Variants in ACKR2 observed in about 807,000 individuals in gnomAD.
The protein encoded by ACKR2 is C-C chemokine receptor D6.
For missense variants in ACKR2, 457 were observed against 477.3 expected (o/e 0.96, Z 0.40); for synonymous variants, 207 against 192.2 (o/e 1.08, Z -0.64).
In ACKR2 at chr3:42,840,999, A is replaced by G. The variant is rs140641801; in HGVS notation, c.-38+21288A>G. On this transcript the variant is annotated intron_variant, in intron 2 of 2. Coordinates refer to ENST00000422265, the MANE Select transcript of ACKR2 (RefSeq NM_001296.5). ...GTCAAGGAGCCTGGCCAAGTGTCTT[A>G]ACCTTTTTTGTGCCATGGCCCCCAC... Among the ~76,000 whole-genome samples the G allele has an allele frequency of 3.3e-5, 5 of 152,268 alleles. No homozygotes were observed. In the East Asian group the frequency reaches 9.7e-4, roughly 29 times the overall value.
chr3:42,862,988 A>C (rs969927405), intron 2 of ACKR2, among the ~76,000 whole-genome samples: 1 of 152,222 alleles, frequency 6.6e-6, no homozygotes, highest in Admixed American at 6.5e-5. Context: ...CAATGGCAAC[A>C]AAAGCCAAAA....
chr3:42,864,524 C>T lies in ACKR2; in HGVS notation c.22C>T (p.Gln8Ter), dbSNP rs550370044. The part of the protein sequence containing the change: MAATASP[Q>*]PLATEDADSE... ...CAACATGGCCGCCACTGCCTCTCCG[C>T]AGCCACTCGCCACTGAGGATGCCGA... The change falls in exon 3 of 3, where the codon CAG (glutamine) becomes TAG (stop). Residue 8 changes from glutamine to a stop codon, truncating the protein, a stop_gained. Transcript: ENST00000422265. LOFTEE classifies it low-confidence loss of function (END_TRUNC). 6.2e-7 allele frequency: 1 copy of T among 1,605,628 alleles called. No homozygotes were observed. Among genetic ancestry groups the T allele is most frequent in the Non-Finnish European group, 8.5e-7 (1 of 1,174,498 alleles).
intron 2 of ACKR2, among the ~76,000 whole-genome samples, chr3:42,845,642 G>A (rs543934904): frequency 5.1e-4 from 77 of 152,156 alleles, no homozygotes; most frequent in Non-Finnish European, 1.0e-3. Context: ...TTTAAAAAAC[G>A]TAATAGTGCC....
rs376833790 is a variant in ACKR2 at position 42,860,189 on chromosome 3, A to AAAAC, written c.-37-4277_-37-4276insAAAC. 1.3e-3 allele frequency among the ~76,000 whole-genome samples: 143 copies of AAAAC among 111,612 alleles called. 6 individuals carry two copies. The highest frequency in any genetic ancestry group is 4.7e-3 in the Middle Eastern group (1 of 212). 73.2% of individuals were successfully genotyped at this position (111,612 alleles called of 152,430 possible). On this transcript the variant is annotated intron_variant, in intron 2 of 2. Transcript: ENST00000422265. ...CAAAAAAAAAAAAAAAAAAAAAAAA[A>AAAAC]GCAGGGGATGCAATCCTAGTCTCTG...
chr3:42,856,156 A>G, intron 2 of ACKR2: 2 of 500,050 alleles, frequency 4.0e-6, no homozygotes, highest in Non-Finnish European at 7.0e-6. Context: ...GAGGACAGGA[A>G]GACCAGCAGA....
chr3:42,852,607 G>A lies in ACKR2; in HGVS notation c.-37-11859G>A, dbSNP rs1394297980. 1.3e-5 allele frequency among the ~76,000 whole-genome samples: 2 copies of A among 152,160 alleles called. No homozygotes were observed. Among genetic ancestry groups the A allele is most frequent in the Admixed American group, 1.3e-4 (2 of 15,278 alleles). On this transcript the variant is annotated intron_variant, in intron 2 of 2. Transcript: ENST00000422265. This position sits in a 1 kb window ranked among gnomAD's most constrained non-coding sequence, Gnocchi z 4.3. ...AGACAGCTATGTCTAGCTGGAAGCT[G>A]CAAGGGGACTCCTGCCCTGCTGAGG...
chr3:42,818,913 C>T (rs1700781468), intron 1 of ACKR2, among the ~76,000 whole-genome samples: 1 of 152,018 alleles, frequency 6.6e-6, no homozygotes, highest in Non-Finnish European at 1.5e-5. Flanking sequence ...GTCAGGTTGT[C>T]ACTAAAAAAT....
intron 1 of ACKR2, among the ~76,000 whole-genome samples, chr3:42,812,908 C>CA (rs992625951): frequency 6.6e-6 from 1 of 151,968 alleles, no homozygotes; most frequent in Non-Finnish European, 1.5e-5. Context: ...AAGCTGGTCT[C>CA]AAAGTCCTGA....
rs1575396046 is a variant in ACKR2 at position 42,866,838 on chromosome 3, G to C, written c.*1181G>C. 1 of 166,702 alleles carries C rather than the reference G, an allele frequency of 6.0e-6. No homozygotes were observed. Among genetic ancestry groups the C allele is most frequent in the South Asian group, 2.1e-4 (1 of 4,822 alleles). The allele number at this position is 166,702 out of a possible 1,614,324, so 10.3% of individuals were successfully genotyped here. A position where few individuals can be genotyped will look rare whatever the true frequency, so the allele number is the denominator to read the frequency against. ...TTAGTTTTATAGACAGGAAGGGGCT[G>C]TCAAAGGCAGAAAGAAATGAAGAAC... On this transcript the variant is annotated 3_prime_UTR_variant, in exon 3 of 3. Transcript: ENST00000422265.
chr3:42,843,605 G>A (rs1022480968), intron 2 of ACKR2, among the ~76,000 whole-genome samples: 1 of 152,144 alleles, frequency 6.6e-6, no homozygotes, highest in African/African-American at 2.4e-5. Flanking sequence ...TAGCAGGGTG[G>A]TCTCCATACT....
intron 2 of ACKR2, among the ~76,000 whole-genome samples, chr3:42,856,938 C>A (rs2088327518): frequency 1.0e-5 from 1 of 95,630 alleles, no homozygotes; most frequent in African/African-American, 2.7e-5. Flanking sequence ...TAGTTCATGA[C>A]ATACTTGTAT....
At chr3:42,829,967 CCAAAACCT>C (rs1428313305) in intron 2 of ACKR2, among the ~76,000 whole-genome samples, 1 of 152,196 alleles carries the variant, frequency 6.6e-6, no homozygotes, top group Non-Finnish European at 1.5e-5. Flanking sequence ...GTCTCATATT[CCAAAACCT>C]AAACTCTGAA....
At chr3:42,814,560 A>C (rs983809530) in intron 1 of ACKR2, among the ~76,000 whole-genome samples, 2 of 152,232 alleles carry the variant, frequency 1.3e-5, no homozygotes, top group Non-Finnish European at 2.9e-5. Context: ...TCCTTTTTAA[A>C]AAGTACTGTG....
chr3:42,858,980 A>G (rs1319910110), intron 2 of ACKR2, among the ~76,000 whole-genome samples: 1 of 152,102 alleles, frequency 6.6e-6, no homozygotes, highest in Non-Finnish European at 1.5e-5. Flanking sequence ...TAGAGAAAAA[A>G]GAATATAAAG....
intron 2 of ACKR2, among the ~76,000 whole-genome samples, chr3:42,823,193 T>C (rs1041075035): frequency 1.3e-5 from 2 of 152,214 alleles, no homozygotes; most frequent in Non-Finnish European, 2.9e-5. Context: ...TATCCCTTCC[T>C]CTTGTTTTCT....
intron 2 of ACKR2, among the ~76,000 whole-genome samples, chr3:42,826,417 A>G (rs540189787): frequency 1.3e-5 from 2 of 152,190 alleles, no homozygotes; most frequent in African/African-American, 4.8e-5. Flanking sequence ...TTGATTACTA[A>G]TGAAATTCCT....
At chr3:42,844,958 G>A (rs1346731994) in intron 2 of ACKR2, among the ~76,000 whole-genome samples, 1 of 152,100 alleles carries the variant, frequency 6.6e-6, no homozygotes, top group Admixed American at 6.5e-5. Context: ...ATCAGCCTAT[G>A]TGTCCACACT....
intron 2 of ACKR2, among the ~76,000 whole-genome samples, chr3:42,847,028 C>T (rs1265266171): frequency 2.0e-5 from 3 of 152,160 alleles, no homozygotes; most frequent in East Asian, 1.9e-4. Context: ...GGGCAAGTGA[C>T]GGGGTTTCTG....
At chr3:42,847,067 A>G (rs1393815557) in intron 2 of ACKR2, among the ~76,000 whole-genome samples, 2 of 152,200 alleles carry the variant, frequency 1.3e-5, no homozygotes, top group East Asian at 3.9e-4. Context: ...TGCAAAATGG[A>G]TGTGATAACT....
Sources: gnomAD v4.1 joint callset for allele counts (sites outside exome capture counted in the v4.1 genomes callset) on GRCh38, gnomAD v4.1.1 for gene constraint, Gnocchi (gnomAD v3.1) non-coding constraint, MANE v1.5 for transcripts, NCBI Gene and HGNC (gene_info 2026-07-23, HGNC 2026-07-21) for gene names.